Variants in SLC10A7 observed in about 807,000 individuals in gnomAD.
The protein encoded by SLC10A7 is sodium/bile acid cotransporter 7.
SLC10A7 carries 29 observed loss-of-function variants against 43.2 expected under a neutral mutation model. The ratio of observed to expected loss-of-function variants is 0.67; its 90% confidence interval spans 0.50 to 0.92. The LOEUF (loss-of-function observed/expected upper bound fraction) is 0.92, where lower values mean the gene tolerates loss of function less well. Among genes scored for constraint, SLC10A7 ranks in the 40% least tolerant of loss-of-function variants. SLC10A7 has a pLI of 0.00. For synonymous variants in SLC10A7, 152 were observed against 144.8 expected, an observed-to-expected ratio of 1.05 and a Z score of -0.35; for missense variants, 295 against 403.2, an observed-to-expected ratio of 0.73 and a Z score of 2.30.
chr4:146,416,939 A>T (rs542085242), intron 5 of SLC10A7, among the ~76,000 whole-genome samples: 141 of 152,156 alleles, frequency 9.3e-4, no homozygotes, highest in African/African-American at 3.1e-3. Context: ...TCTCTGCTCA[A>T]ATGTTCTTTT....
chr4:146,359,538 A>C (rs1266564364), intron 5 of SLC10A7, among the ~76,000 whole-genome samples: 2 of 152,158 alleles, frequency 1.3e-5, no homozygotes, highest in Admixed American at 1.3e-4. Flanking sequence ...TCAAAGAAGG[A>C]GAAGAAATGG....
chr4:146,293,422 T>C lies in SLC10A7; in HGVS notation c.722-442A>G, dbSNP rs180789310. On this transcript the variant is annotated intron_variant, in intron 8 of 11. Coordinates refer to ENST00000335472, the MANE Select transcript of SLC10A7 (RefSeq NM_001029998.6). ...GGTTGCTTTTTGAGCTTTAGCAGTT[T>C]CCTGCATTTTATAGTCTGCTGCTTC... Among the ~76,000 whole-genome samples, 34 of 152,324 alleles carry C rather than the reference T, an allele frequency of 2.2e-4. No homozygotes were observed. The East Asian group carries it at 6.6e-3, about 29-fold the overall frequency.
At chr4:146,469,046 C>G (rs1374903587) in intron 4 of SLC10A7, among the ~76,000 whole-genome samples, 5 of 152,018 alleles carry the variant, frequency 3.3e-5, no homozygotes, top group African/African-American at 1.2e-4. Context: ...CCTGAAATTT[C>G]CTGAAAAGCA....
At chr4:146,271,643 C>T (rs1164050602) in intron 10 of SLC10A7, among the ~76,000 whole-genome samples, 2 of 152,130 alleles carry the variant, frequency 1.3e-5, no homozygotes, top group African/African-American at 4.8e-5. Flanking sequence ...CAATGGCTTC[C>T]CCTCTCATTC....
chr4:146,458,219 G>A (rs1025822001), intron 4 of SLC10A7, among the ~76,000 whole-genome samples: 3 of 151,224 alleles, frequency 2.0e-5, no homozygotes, highest in South Asian at 4.2e-4. Context: ...GATGAAAAAA[G>A]AAAAAAACAT....
chr4:146,385,920 A>G (rs1025261702), intron 5 of SLC10A7, among the ~76,000 whole-genome samples: 3 of 152,180 alleles, frequency 2.0e-5, no homozygotes, highest in African/African-American at 4.8e-5. Context: ...GTTGCTGCAG[A>G]AGTCATGATT....
At chr4:146,514,200 T>C (rs1448145830) in intron 2 of SLC10A7, 2 of 152,228 alleles carry the variant, frequency 1.3e-5, no homozygotes, top group African/African-American at 2.4e-5. Flanking sequence ...TTTCTGCTAA[T>C]AGGATAAAAG....
chr4:146,385,590 A>T (rs1410424559), intron 5 of SLC10A7, among the ~76,000 whole-genome samples: 4 of 152,230 alleles, frequency 2.6e-5, no homozygotes, highest in East Asian at 1.9e-4. Context: ...AAATAAATAA[A>T]TTTTTTTAAC....
intron 4 of SLC10A7, among the ~76,000 whole-genome samples, chr4:146,476,695 T>C (rs142886374): frequency 2.4e-4 from 36 of 152,334 alleles, no homozygotes; most frequent in Non-Finnish European, 4.0e-4. Flanking sequence ...CTTCAAGGAA[T>C]TGATGGAATT....
At chr4:146,493,140 T>C (rs1356684764) in intron 4 of SLC10A7, among the ~76,000 whole-genome samples, 1 of 152,222 alleles carries the variant, frequency 6.6e-6, no homozygotes, top group Non-Finnish European at 1.5e-5. Context: ...AAAAGGCACA[T>C]GCCCAGAATT....
rs375942428 is a variant in SLC10A7 at position 146,294,222 on chromosome 4, G to A, written c.556-127C>T. The A allele has an allele frequency of 9.7e-5, 63 of 649,052 alleles. 1 individual carries two copies. The highest frequency in any genetic ancestry group is 8.3e-4 in the East Asian group (28 of 33,672). The allele number at this position is 649,052 out of a possible 1,614,324, so 40.2% of individuals were successfully genotyped here. ...GAATAATTTGGCTGATGGCCACAGT[G>A]GATTTCAAAGCTTCCCTGCCACACT... On this transcript the variant is annotated intron_variant, in intron 7 of 11. Coordinates refer to ENST00000335472, the MANE Select transcript of SLC10A7 (RefSeq NM_001029998.6).
chr4:146,483,909 T>C (rs1734703040), intron 4 of SLC10A7, among the ~76,000 whole-genome samples: 1 of 151,992 alleles, frequency 6.6e-6, no homozygotes, highest in African/African-American at 2.4e-5. Context: ...GATAAAGGGG[T>C]CAATTCATCA....
intron 6 of SLC10A7, among the ~76,000 whole-genome samples, chr4:146,306,489 TC>T (rs1231837681): frequency 6.6e-6 from 1 of 152,204 alleles, no homozygotes; most frequent in Non-Finnish European, 1.5e-5. Context: ...TAGAATTTTT[TC>T]TTACACAATG....
At chr4:146,275,298 A>T (rs563943698) in intron 10 of SLC10A7, among the ~76,000 whole-genome samples, 40 of 152,300 alleles carry the variant, frequency 2.6e-4, no homozygotes, top group African/African-American at 9.4e-4. Context: ...CTACATACTT[A>T]AGCCCTTCAA....
Position 146,292,966 on chromosome 4 carries a change from G to T in SLC10A7, c.736C>A (p.Leu246Met). 6.3e-7 allele frequency: 1 copy of T among 1,588,934 alleles called. No individual in the cohort carries two copies. Among genetic ancestry groups the T allele is most frequent in the Non-Finnish European group, 8.6e-7 (1 of 1,161,360 alleles). Residue 246 changes from leucine to methionine, a missense_variant, in exon 9 of 12, where the codon CTG becomes ATG. Physicochemically the swap from Leu to Met is conservative, Grantham distance 15. This residue lies in a region of SLC10A7 where 242 missense variants were observed against 362.5 expected (regional missense o/e 0.67). Coordinates refer to ENST00000335472, the MANE Select transcript of SLC10A7 (RefSeq NM_001029998.6). ...LILFIIFSIQ[L>M]SFMLLTFIFS... is the part of the protein sequence containing the mutation. ...ATGAAAGTTAAAAGCATAAAACTCA[G>T]CTGGATAGAAAATACTGAAGAAAAA...
At position 146,258,838 on chromosome 4, in the gene SLC10A7, C is replaced by T. The variant is rs1728040143; in HGVS notation, c.848-1G>A. 1 of 1,605,750 alleles carries T rather than the reference C, an allele frequency of 6.2e-7. No individual in the cohort carries two copies. The highest frequency in any genetic ancestry group is 1.7e-5 in the Admixed American group (1 of 57,388). On this transcript the variant is annotated splice_acceptor_variant, in intron 10 of 11. Transcript: ENST00000335472. LOFTEE classifies it high-confidence loss of function. ...AACACGATCTTCAGCATCGGAATTC[C>T]TGTTGAACAAAGAAGACAGAAAACC... is the stretch of plus-strand genomic sequence containing the variant.
chr4:146,297,991 A>T (rs1317995738), intron 7 of SLC10A7, among the ~76,000 whole-genome samples: 2 of 152,178 alleles, frequency 1.3e-5, no homozygotes, highest in Non-Finnish European at 2.9e-5. Context: ...TAAAATGTTG[A>T]AAAGCTAGGG....
intron 10 of SLC10A7, among the ~76,000 whole-genome samples, chr4:146,277,583 A>C (rs968465573): frequency 6.6e-6 from 1 of 152,186 alleles, no homozygotes; most frequent in Non-Finnish European, 1.5e-5. Context: ...AGAATCTGTC[A>C]AATGGCAAAG....
chr4:146,458,505 G>T (rs1732273129), intron 4 of SLC10A7, among the ~76,000 whole-genome samples: 1 of 151,852 alleles, frequency 6.6e-6, no homozygotes, highest in Non-Finnish European at 1.5e-5. Context: ...GACCAAGTCA[G>T]TTAGTCAAAT....
Sources: gnomAD v4.1 joint callset for allele counts (sites outside exome capture counted in the v4.1 genomes callset) on GRCh38, gnomAD v4.1.1 for gene constraint, gnomAD v4.1.1 regional missense constraint, MANE v1.5 for transcripts, NCBI Gene and HGNC (gene_info 2026-07-23, HGNC 2026-07-21) for gene names.